Variants in CEP170 observed in about 807,000 individuals in gnomAD.
CEP170 encodes centrosomal protein 170.
CEP170 carries 21 observed loss-of-function variants against 151.9 expected under a neutral mutation model. The observed-to-expected ratio is 0.14, with a 90% CI of 0.10 to 0.20. CEP170 has a LOEUF of 0.20. CEP170 is among the 10% of genes least tolerant of loss of function. The pLI is 1.00. For synonymous variants in CEP170, 356 were observed against 648.8 expected (o/e 0.55, Z 6.86); for missense variants, 964 against 1,892.9 (o/e 0.51, Z 9.11).
intron 1 of CEP170, among the ~76,000 whole-genome samples, chr1:243,231,190 C>CATCATCATTATTATT (rs368164323): frequency 8.0e-6 from 1 of 124,896 alleles, no homozygotes; most frequent in Admixed American, 7.7e-5. Context: ...TCATCATCAT[C>CATCATCATTATTATT]ATTATTATTA....
intron 8 of CEP170, among the ~76,000 whole-genome samples, chr1:243,189,807 T>C (rs2060192246): frequency 6.6e-6 from 1 of 152,168 alleles, no homozygotes; most frequent in African/African-American, 2.4e-5. Flanking sequence ...ATAAACAGCC[T>C]ATGTGTTTGT....
rs2059937405 is a variant in CEP170, at chr1:243,186,358, G to C, written c.1173C>G (p.Ser391Arg). Residue 391 changes from serine to arginine, a missense_variant, in exon 9 of 20, where the codon AGC becomes AGG. Transcript: ENST00000366542. The stretch of plus-strand genomic sequence containing the variant: ...AGTGTTCCTCAAGAGTTGCACGTTT[G>C]CTACAGCGCCTGTGAGCCCCAGCGT... ...SENAGAHRRC[S>R]KRATLEEHLR... 1.9e-6 allele frequency: 3 copies of C among 1,613,678 alleles called. No individual in the cohort carries two copies. In the East Asian group the frequency reaches 6.7e-5, roughly 36 times the overall value.
intron 10 of CEP170, among the ~76,000 whole-genome samples, chr1:243,182,947 G>C (rs1341674088): frequency 2.0e-5 from 3 of 151,552 alleles, no homozygotes; most frequent in African/African-American, 2.4e-5. Flanking sequence ...TGATTAAAAT[G>C]AAACAAGTTG....
intron 13 of CEP170, among the ~76,000 whole-genome samples, chr1:243,160,254 G>T (rs975138949): frequency 1.1e-4 from 17 of 152,234 alleles, no homozygotes; most frequent in African/African-American, 3.6e-4. Flanking sequence ...AGGCTCATTT[G>T]ATGGGTTGAT....
intron 8 of CEP170, 79 bp from the exon 9 acceptor site, chr1:243,186,501 T>C (rs1389818880): frequency 1.4e-6 from 2 of 1,437,270 alleles, no homozygotes; most frequent in Non-Finnish European, 1.9e-6. Context: ...AAAAGTGCTA[T>C]TTGTTTTGCT....
rs573442600 is a variant in CEP170 at position 243,159,315 on chromosome 1, C to T, written c.3677-2860G>A. On this transcript the variant is annotated intron_variant, in intron 13 of 19. Transcript: ENST00000366542. ...TTAACTCTGGACACAGTCTGCGTAA[C>T]GACAAAGAGCAGAGCTGAGACTGAG... Among the ~76,000 whole-genome samples, 127 of 152,048 alleles carry T rather than the reference C, an allele frequency of 8.4e-4. 2 individuals are homozygous for T. The highest frequency in any genetic ancestry group is 2.8e-3 in the African/African-American group (116 of 41,476).
chr1:243,251,228 T>C (rs139853512), intron 1 of CEP170, among the ~76,000 whole-genome samples: 12 of 152,280 alleles, frequency 7.9e-5, no homozygotes, highest in Non-Finnish European at 1.0e-4. Context: ...TGTGGAGAAG[T>C]TGGACCCAAT....
In CEP170 at chr1:243,153,056, TC is replaced by T. The variant is rs1469265875; in HGVS notation, c.3911+3164del. Among the ~76,000 whole-genome samples the T allele has an allele frequency of 6.6e-5, 10 of 152,276 alleles. No homozygotes were observed. The East Asian group carries it at 1.7e-3, about 26-fold the overall frequency. On this transcript the variant is annotated intron_variant, in intron 14 of 19. Coordinates refer to ENST00000366542, the MANE Select transcript of CEP170 (RefSeq NM_014812.3). ...GTTTGGAAGAAACTGATTCCAACCC[TC>T]ATGGATGACTTTGAGGGTTCAAGAC...
At position 243,254,594 on chromosome 1, in the gene CEP170, A is replaced by G. The variant is rs1261306120; in HGVS notation, c.-42+446T>C. 2.6e-5 allele frequency: 4 copies of G among 152,336 alleles called. No individual in the cohort carries two copies. In the East Asian group the frequency reaches 7.7e-4, roughly 29 times the overall value. The allele number at this position is 152,336 out of a possible 1,614,324, so 9.4% of individuals were successfully genotyped here. A position where few individuals can be genotyped will look rare whatever the true frequency, so the allele number is the denominator to read the frequency against. Reference sequence around the variant, plus strand: ...CCCGGGGAGCTGCTCCAATGGGGGAAAAATCCCTTCCCCAGCGGCAGCGCA... The same window carrying G: ...CCCGGGGAGCTGCTCCAATGGGGGAGAAATCCCTTCCCCAGCGGCAGCGCA... On this transcript the variant is annotated intron_variant, in intron 1 of 19. Coordinates refer to ENST00000366542, the MANE Select transcript of CEP170 (RefSeq NM_014812.3).
intron 1 of CEP170, among the ~76,000 whole-genome samples, chr1:243,238,239 G>A (rs1432753772): frequency 2.0e-5 from 3 of 152,024 alleles, no homozygotes; most frequent in Admixed American, 6.6e-5. Context: ...CACTTGAGCC[G>A]AGGAATTCAG....
At chr1:243,221,008 CT>C (rs1347796007) in intron 3 of CEP170, among the ~76,000 whole-genome samples, 1 of 151,804 alleles carries the variant, frequency 6.6e-6, no homozygotes, top group African/African-American at 2.4e-5. Flanking sequence ...TCTCTGGCAC[CT>C]TTCCATCTTT....
At chr1:243,227,345 C>A (rs2063382640) in intron 1 of CEP170, among the ~76,000 whole-genome samples, 1 of 151,898 alleles carries the variant, frequency 6.6e-6, no homozygotes, top group South Asian at 2.1e-4. Context: ...GTGTATATAA[C>A]CAAAATGTGT....
chr1:243,166,189 T>C lies in CEP170; in HGVS notation c.1844-73A>G. The C allele has an allele frequency of 2.6e-6, 4 of 1,534,092 alleles. No individual in the cohort carries two copies. The Admixed American group carries it at 8.2e-5, about 31-fold the overall frequency. The stretch of plus-strand genomic sequence containing the variant: ...TAAAAATAAAAGGAGCATCATACAG[T>C]TGTCTGTCAGTATCCATGAAGACTG... On this transcript the variant is annotated intron_variant, in intron 12 of 19. Transcript: ENST00000366542.
chr1:243,151,117 A>G (rs1320740619), intron 14 of CEP170, among the ~76,000 whole-genome samples: 1 of 152,252 alleles, frequency 6.6e-6, no homozygotes, highest in Non-Finnish European at 1.5e-5. Flanking sequence ...GAATGACTAC[A>G]ACGATGAGTC....
intron 3 of CEP170, among the ~76,000 whole-genome samples, chr1:243,214,961 T>A (rs1207700145): frequency 6.6e-6 from 1 of 152,220 alleles, no homozygotes. Context: ...TGACCCTGAA[T>A]GGAGGGACCA....
At position 243,125,108 on chromosome 1, in the gene CEP170, T is replaced by C. The variant is rs2053602586; in HGVS notation, c.*1341A>G. On this transcript the variant is annotated 3_prime_UTR_variant, in exon 20 of 20. Coordinates refer to ENST00000366542, the MANE Select transcript of CEP170 (RefSeq NM_014812.3). ...CATAAAAGTTGCAGTTTAACCTTTATAGACTGATGGGGTCAAGGGGGAAAA... is the reference window on the plus strand; with the variant it reads ...CATAAAAGTTGCAGTTTAACCTTTACAGACTGATGGGGTCAAGGGGGAAAA... 6.6e-6 allele frequency: 1 copy of C among 152,164 alleles called. No individual in the cohort carries two copies. The highest frequency in any genetic ancestry group is 6.5e-5 in the Admixed American group (1 of 15,280). 9.4% of individuals were successfully genotyped at this position (152,164 alleles called of 1,614,324 possible). A position where few individuals can be genotyped will look rare whatever the true frequency, so the allele number is the denominator to read the frequency against.
intron 8 of CEP170, among the ~76,000 whole-genome samples, chr1:243,188,399 AT>A (rs2060069008): frequency 6.6e-6 from 1 of 152,078 alleles, no homozygotes; most frequent in African/African-American, 2.4e-5. Flanking sequence ...TAAATTAGTC[AT>A]TTTCTTTTTT....
intron 10 of CEP170, among the ~76,000 whole-genome samples, chr1:243,182,631 C>T (rs1355517322): frequency 6.6e-6 from 1 of 152,146 alleles, no homozygotes; most frequent in Non-Finnish European, 1.5e-5. Flanking sequence ...ATATAATGAA[C>T]TTCAATATCG....
In CEP170 at chr1:243,225,203, T is replaced by C; in HGVS notation, c.78A>G (p.Gly26=). Residue 26 remains glycine, a synonymous_variant, in exon 2 of 20, where the codon GGA becomes GGG. Coordinates refer to ENST00000366542, the MANE Select transcript of CEP170 (RefSeq NM_014812.3). ...GCAACATGAGCTCACAGTCATCTCT[T>C]CCAACAAAAATCATTTCTCGTGGCA... The part of the protein sequence containing the change: ...HRLPREMIFV[G]RDDCELMLQS... 6.2e-7 allele frequency: 1 copy of C among 1,602,030 alleles called. No individual in the cohort carries two copies.
Sources: gnomAD v4.1 joint callset for allele counts (sites outside exome capture counted in the v4.1 genomes callset) on GRCh38, gnomAD v4.1.1 for gene constraint, MANE v1.5 for transcripts, NCBI Gene and HGNC (gene_info 2026-07-23, HGNC 2026-07-21) for gene names.